The following TXNRD2 variants were observed in gnomAD, a reference collection of about 807,000 sequenced individuals.
The protein encoded by TXNRD2 is thioredoxin reductase 2.
In TXNRD2, 67 loss-of-function variants were observed where a neutral mutation model predicts 70.8. The observed-to-expected ratio is 0.95, with a 90% CI of 0.78 to 1.16. The LOEUF (loss-of-function observed/expected upper bound fraction) is 1.16. Ranked by LOEUF, TXNRD2 falls within the 50% of genes most tolerant of loss-of-function variation. The pLI, the probability that TXNRD2 is intolerant of heterozygous loss-of-function variation, is 0.00. For missense variants in TXNRD2, 644 were observed against 719.9 expected (o/e 0.89, Z 1.21); for synonymous variants, 301 against 295.8 (o/e 1.02, Z -0.18).
intron 11 of TXNRD2, chr22:19,884,535 GC>G (rs2145942775): frequency 6.6e-6 from 1 of 152,476 alleles, no homozygotes; most frequent in African/African-American, 2.4e-5. Flanking sequence ...CACCTGGCCT[GC>G]CTGGCCTCCC....
intron 8 of TXNRD2, among the ~76,000 whole-genome samples, chr22:19,902,042 A>G (rs1939801393): frequency 6.6e-6 from 1 of 152,092 alleles, no homozygotes; most frequent in South Asian, 2.1e-4. Context: ...CTACAAACTA[A>G]AAAAATTACT....
chr22:19,880,318 C>G, intron 13 of TXNRD2, 47 bp from the exon 14 acceptor site: 1 of 1,576,192 alleles, frequency 6.3e-7, no homozygotes, highest in Non-Finnish European at 8.7e-7. Flanking sequence ...CCCCGAAAAC[C>G]GAAGTTCCCC....
Position 19,877,066 on chromosome 22 carries a change from G to A in TXNRD2, c.*39C>T, listed in dbSNP as rs369566302. 2.6e-4 allele frequency: 412 copies of A among 1,571,178 alleles called. 3 individuals are homozygous for A. Among genetic ancestry groups the A allele is most frequent in the South Asian group, 2.4e-3 (216 of 88,648 alleles). ...TGGGTCTGGCCTCCGAGGAGCTGGC[G>A]GCGGGCGCACCGTGTGCCCTGGCCT... is the stretch of plus-strand genomic sequence containing the variant. On this transcript the variant is annotated 3_prime_UTR_variant, in exon 17 of 18. Coordinates refer to ENST00000400521, the MANE Select transcript of TXNRD2 (RefSeq NM_006440.5).
intron 11 of TXNRD2, chr22:19,887,394 G>C (rs1939078248): frequency 6.6e-6 from 1 of 152,430 alleles, no homozygotes; most frequent in South Asian, 2.1e-4. Flanking sequence ...TTAGCTGAGC[G>C]GCACAGCTAC....
intron 3 of TXNRD2, 76 bp downstream of exon 3, chr22:19,919,467 T>C (rs1940799851): frequency 7.3e-7 from 1 of 1,374,354 alleles, no homozygotes; most frequent in African/African-American, 1.4e-5. Flanking sequence ...TGGTGTCAGC[T>C]GCCCTCTGTA....
intron 1 of TXNRD2, chr22:19,933,362 A>G: frequency 9.2e-7 from 1 of 1,082,068 alleles, no homozygotes; most frequent in South Asian, 1.3e-5. Context: ...GGGAGCATGA[A>G]CCTGCTGATG....
intron 11 of TXNRD2, among the ~76,000 whole-genome samples, chr22:19,890,014 T>C (rs1023861875): frequency 6.6e-6 from 1 of 152,212 alleles, no homozygotes; most frequent in African/African-American, 2.4e-5. Flanking sequence ...CCGGCTGGCC[T>C]GTCAGATAGC....
intron 11 of TXNRD2, among the ~76,000 whole-genome samples, chr22:19,885,490 C>T (rs990186463): frequency 6.6e-6 from 1 of 152,216 alleles, no homozygotes; most frequent in Non-Finnish European, 1.5e-5. Context: ...TCTGCTCAGC[C>T]GCAGGAATTG....
intron 5 of TXNRD2, 60 bp from the exon 6 acceptor site, chr22:19,915,903 G>C: frequency 6.9e-7 from 1 of 1,457,508 alleles, no homozygotes; most frequent in Non-Finnish European, 9.5e-7. Context: ...TCACCAACTG[G>C]ATCAATAGGG....
At position 19,931,075 on chromosome 22, in the gene TXNRD2, G is replaced by C. The variant is rs1250207795; in HGVS notation, c.127C>G (p.Leu43Val). ...AAAGQRDYDLLVVGGGSGGLA... is the reference protein window; with the variant it reads ...AAAGQRDYDLVVVGGGSGGLA... Reference sequence around the variant, plus strand: ...CCACCAGATCCCCCGCCGACCACCAGGAGATCATAGTCCCGCTGACCTGCT... The same window carrying C: ...CCACCAGATCCCCCGCCGACCACCACGAGATCATAGTCCCGCTGACCTGCT... Residue 43 changes from leucine (L) to valine (V), a missense_variant, in exon 2 of 18, where the codon CTG (leucine) becomes GTG (valine). Coordinates refer to ENST00000400521, the MANE Select transcript of TXNRD2 (RefSeq NM_006440.5). 5.0e-6 allele frequency: 8 copies of C among 1,613,500 alleles called. No homozygotes were observed. Among genetic ancestry groups the C allele is most frequent in the African/African-American group, 2.7e-5 (2 of 74,946 alleles).
chr22:19,878,473 G>A (rs771072903), intron 14 of TXNRD2, 36 bp from the exon 15 acceptor site: 51 of 1,598,034 alleles, frequency 3.2e-5, no homozygotes, highest in South Asian at 6.6e-5. Context: ...TCAGTGCTGC[G>A]ACAAACAAAC....
intron 1 of TXNRD2, chr22:19,933,631 G>T: frequency 3.6e-6 from 2 of 553,966 alleles, no homozygotes; most frequent in Non-Finnish European, 5.5e-6. Context: ...ATAAACACTG[G>T]CATAGGGCAG....
chr22:19,883,474 G>C lies in TXNRD2; in HGVS notation c.950-13C>G, dbSNP rs1367998484. On this transcript the variant is annotated splice_polypyrimidine_tract_variant and intron_variant, in intron 11 of 17. Transcript: ENST00000400521. ...TCTGGGACTCGACCTGAAGGAAACA[G>C]AGAGGGGGCTGAAAGGTTATCTTCA... is the stretch of plus-strand genomic sequence containing the variant. The C allele has an allele frequency of 9.9e-6, 16 of 1,613,892 alleles. No individual in the cohort carries two copies. Among genetic ancestry groups the C allele is most frequent in the Non-Finnish European group, 1.4e-5 (16 of 1,180,038 alleles).
rs1295738734 is a variant in TXNRD2 at position 19,916,021 on chromosome 22, G to A, written c.450-178C>T. The A allele has an allele frequency of 1.4e-5, 9 of 626,812 alleles. No homozygotes were observed. The Admixed American group carries it at 2.0e-4, about 14-fold the overall frequency. The allele number at this position is 626,812 out of a possible 1,614,324, so 38.8% of individuals were successfully genotyped here. On this transcript the variant is annotated intron_variant, in intron 5 of 17. Coordinates refer to ENST00000400521, the MANE Select transcript of TXNRD2 (RefSeq NM_006440.5). ...CTGAGAAGCATGGAGGGGATGTGGG[G>A]GCACCTCGCCTGTCCCCCAGGGATC...
chr22:19,901,460 C>T (rs191650649), intron 8 of TXNRD2, among the ~76,000 whole-genome samples: 7 of 152,332 alleles, frequency 4.6e-5, no homozygotes, highest in African/African-American at 9.6e-5. Context: ...CAAAAGCTCA[C>T]GTCTCGCTCG....
intron 10 of TXNRD2, 62 bp downstream of exon 10, chr22:19,897,977 A>G: frequency 7.2e-7 from 1 of 1,386,404 alleles, no homozygotes; most frequent in Non-Finnish European, 9.9e-7. Flanking sequence ...CCTGCCTGGG[A>G]GGGGGCTGTG....
intron 11 of TXNRD2, among the ~76,000 whole-genome samples, chr22:19,885,384 G>A (rs1057425791): frequency 2.0e-5 from 3 of 152,238 alleles, no homozygotes; most frequent in Non-Finnish European, 4.4e-5. Context: ...CCGTGAGAGG[G>A]AACCCTTAAG....
At chr22:19,895,127 G>A (rs1449881129) in intron 11 of TXNRD2, 2 of 1,598,492 alleles carry the variant, frequency 1.3e-6, no homozygotes, top group Admixed American at 1.7e-5. Context: ...CCTGGCTGAT[G>A]CCGTCTCAGT....
intron 7 of TXNRD2, among the ~76,000 whole-genome samples, chr22:19,912,158 G>A (rs1287386630): frequency 4.6e-5 from 7 of 152,188 alleles, no homozygotes; most frequent in Non-Finnish European, 8.8e-5. Context: ...GCAGGTGGGA[G>A]GCCCAGGGTG....
Sources: allele counts gnomAD v4.1 joint callset (sites outside exome capture counted in the v4.1 genomes callset), GRCh38; gene constraint gnomAD v4.1.1; transcripts MANE v1.5; gene names NCBI Gene and HGNC (gene_info 2026-07-23, HGNC 2026-07-21).